The following SERPINI1 variants were observed in gnomAD, a reference collection of about 807,000 sequenced individuals.
SERPINI1 encodes serpin family I member 1, also known as neuroserpin.
A neutral mutation model predicts 41.1 loss-of-function variants in SERPINI1; 19 were observed. The ratio of observed to expected loss-of-function variants is 0.46; its 90% confidence interval spans 0.32 to 0.68. The LOEUF (loss-of-function observed/expected upper bound fraction) is 0.68, where lower values mean the gene tolerates loss of function less well. SERPINI1 is among the 30% of genes least tolerant of loss of function. SERPINI1 has a pLI of 0.03. For missense variants in SERPINI1, 460 were observed against 479.2 expected (o/e 0.96, Z 0.37); for synonymous variants, 138 against 156.6 (o/e 0.88, Z 0.89).
chr3:167,784,426 T>C (rs1727238095), intron 1 of SERPINI1, among the ~76,000 whole-genome samples: 1 of 152,210 alleles, frequency 6.6e-6, no homozygotes, highest in Non-Finnish European at 1.5e-5. Context: ...GAATGGCTAA[T>C]GGTGCTACAT....
At chr3:167,803,409 G>A (rs184641951) in intron 5 of SERPINI1, among the ~76,000 whole-genome samples, 21 of 151,936 alleles carry the variant, frequency 1.4e-4, no homozygotes, top group Middle Eastern at 3.4e-3. Flanking sequence ...GCAAACATAC[G>A]ACACCCTAAC....
chr3:167,768,812 G>A (rs920933901), intron 1 of SERPINI1, among the ~76,000 whole-genome samples: 1 of 152,158 alleles, frequency 6.6e-6, no homozygotes, highest in Non-Finnish European at 1.5e-5. Context: ...GGCTGCTGCA[G>A]GAATACCATG....
intron 6 of SERPINI1, among the ~76,000 whole-genome samples, chr3:167,810,627 C>A (rs1711840567): frequency 6.6e-6 from 1 of 152,116 alleles, no homozygotes; most frequent in Non-Finnish European, 1.5e-5. Context: ...GAGAATCTTG[C>A]CTTGATATTG....
At chr3:167,776,395 C>T (rs1004086007) in intron 1 of SERPINI1, among the ~76,000 whole-genome samples, 1 of 152,208 alleles carries the variant, frequency 6.6e-6, no homozygotes, top group African/African-American at 2.4e-5. Flanking sequence ...TGCCAGCTCA[C>T]TGGGTTTTGT....
chr3:167,741,975 G>A (rs1725691799), intron 1 of SERPINI1, among the ~76,000 whole-genome samples: 1 of 151,902 alleles, frequency 6.6e-6, no homozygotes, highest in African/African-American at 2.4e-5. Flanking sequence ...TAAATCTAAG[G>A]CAACAAAGTT....
intron 1 of SERPINI1, among the ~76,000 whole-genome samples, chr3:167,780,676 T>C (rs1320389399): frequency 1.3e-5 from 2 of 152,194 alleles, no homozygotes; most frequent in Non-Finnish European, 2.9e-5. Context: ...GGTTCATTCC[T>C]TGAGTGATGA....
intron 6 of SERPINI1, among the ~76,000 whole-genome samples, chr3:167,822,277 T>C (rs1712360689): frequency 6.6e-6 from 1 of 152,134 alleles, no homozygotes; most frequent in East Asian, 1.9e-4. Context: ...ATAGTCAATC[T>C]CTGAAGTACT....
At chr3:167,798,884 C>T (rs1727801019) in intron 5 of SERPINI1, among the ~76,000 whole-genome samples, 1 of 152,058 alleles carries the variant, frequency 6.6e-6, no homozygotes, top group South Asian at 2.1e-4. Context: ...CTATTGGGTG[C>T]TGTGCTCACT....
At chr3:167,772,832 C>CTCTCTT (rs1726808498) in intron 1 of SERPINI1, among the ~76,000 whole-genome samples, 1 of 14,154 alleles carries the variant, frequency 7.1e-5, no homozygotes, top group African/African-American at 3.0e-4. Flanking sequence ...GACTCTCTCT[C>CTCTCTT]TCTCTCTCTC....
At chr3:167,822,726 T>C (rs1029042434) in intron 6 of SERPINI1, among the ~76,000 whole-genome samples, 1 of 152,046 alleles carries the variant, frequency 6.6e-6, no homozygotes, top group Non-Finnish European at 1.5e-5. Context: ...AAGTTTCCAC[T>C]TTTTCTGAAA....
chr3:167,783,158 CAGA>C (rs1727195920), intron 1 of SERPINI1, among the ~76,000 whole-genome samples: 3 of 152,116 alleles, frequency 2.0e-5, no homozygotes. Context: ...GGCTGGAAAC[CAGA>C]ACCATTGGTA....
At position 167,772,889 on chromosome 3, in the gene SERPINI1, T is replaced by TATATATATATATATAC. The variant is rs1470005015; in HGVS notation, c.-18-16217_-18-16216insTATATATATACATATA. Among the ~76,000 whole-genome samples the TATATATATATATATAC allele has an allele frequency of 7.8e-5, 6 of 77,130 alleles. No homozygotes were observed. In the East Asian group the frequency reaches 2.2e-3, roughly 29 times the overall value. The allele number at this position is 77,130 out of a possible 152,430, so 50.6% of individuals were successfully genotyped here. On this transcript the variant is annotated intron_variant, in intron 1 of 8. Coordinates refer to ENST00000446050, the MANE Select transcript of SERPINI1 (RefSeq NM_001122752.2). ...CTATATATATATATATATATATATA[T>TATATATATATATATAC]ATATACACACACACACACACACACA... is the stretch of plus-strand genomic sequence containing the variant.
At chr3:167,789,824 A>G (rs1209389244) in intron 2 of SERPINI1, among the ~76,000 whole-genome samples, 1 of 152,164 alleles carries the variant, frequency 6.6e-6, no homozygotes, top group Non-Finnish European at 1.5e-5. Flanking sequence ...TTGAAGTGTT[A>G]TCTTATTATA....
intron 1 of SERPINI1, among the ~76,000 whole-genome samples, chr3:167,752,816 AT>A (rs1433307083): frequency 6.6e-6 from 1 of 151,954 alleles, no homozygotes; most frequent in East Asian, 1.9e-4. Context: ...AGGCCTTCAT[AT>A]TATTCCCTCT....
intron 1 of SERPINI1, among the ~76,000 whole-genome samples, chr3:167,742,632 C>T (rs1462120446): frequency 6.6e-6 from 1 of 152,164 alleles, no homozygotes. Flanking sequence ...TGTCATATGG[C>T]TGCCCTAGCT....
intron 6 of SERPINI1, among the ~76,000 whole-genome samples, chr3:167,815,706 T>A (rs1560017689): frequency 6.6e-6 from 1 of 152,140 alleles, no homozygotes; most frequent in Non-Finnish European, 1.5e-5. Context: ...TTTGTCCATT[T>A]TCTTCTACTT....
intron 1 of SERPINI1, among the ~76,000 whole-genome samples, chr3:167,779,053 A>G (rs1163912740): frequency 6.6e-6 from 1 of 152,222 alleles, no homozygotes; most frequent in Admixed American, 6.5e-5. Flanking sequence ...ACAGAGTTCT[A>G]CCAAATCATT....
At chr3:167,757,350 A>G (rs1256917524) in intron 1 of SERPINI1, among the ~76,000 whole-genome samples, 2 of 152,212 alleles carry the variant, frequency 1.3e-5, no homozygotes, top group Non-Finnish European at 2.9e-5. Flanking sequence ...GAATTAATAA[A>G]TGATTTTATA....
At chr3:167,775,365 A>G (rs959796466) in intron 1 of SERPINI1, among the ~76,000 whole-genome samples, 1 of 151,274 alleles carries the variant, frequency 6.6e-6, no homozygotes, top group Non-Finnish European at 1.5e-5. Context: ...GGGTTCAAAC[A>G]GTTCTCCTGC....
Sources: gnomAD v4.1 joint callset for allele counts (sites outside exome capture counted in the v4.1 genomes callset) on GRCh38, gnomAD v4.1.1 for gene constraint, MANE v1.5 for transcripts, NCBI Gene and HGNC (gene_info 2026-07-23, HGNC 2026-07-21) for gene names.